CHODL: variants seen among roughly 807,000 people sequenced by gnomAD.
CHODL encodes the protein transmembrane protein MT75.
Under a neutral mutation model 34.5 loss-of-function variants are expected in CHODL, and 29 were observed. That is an observed-to-expected ratio of 0.84 (90% confidence interval 0.63 to 1.15). The LOEUF is 1.15. Among genes scored for constraint, CHODL ranks in the 50% most tolerant of loss-of-function variants. CHODL has a pLI of 0.00. For synonymous variants in CHODL, 125 were observed against 116.1 expected, an observed-to-expected ratio of 1.08 and a Z score of -0.49; for missense variants, 332 against 332.5, an observed-to-expected ratio of 1.00 and a Z score of 0.01.
chr21:18,206,004 T>G (rs1364944677), intron 2 of CHODL, among the ~76,000 whole-genome samples: 1 of 152,228 alleles, frequency 6.6e-6, no homozygotes, highest in African/African-American at 2.4e-5. Flanking sequence ...ATAAGATACT[T>G]GATATAATTT....
chr21:18,210,611 C>G (rs1427793179), intron 2 of CHODL, among the ~76,000 whole-genome samples: 3 of 152,166 alleles, frequency 2.0e-5, no homozygotes, highest in Non-Finnish European at 4.4e-5. Context: ...TTTCGCATCT[C>G]CAGTAGACCC....
intron 2 of CHODL, among the ~76,000 whole-genome samples, chr21:18,065,374 T>C (rs154746): frequency 0.45 from 68,061 of 152,042 alleles, 16,471 homozygotes; most frequent in East Asian, 0.95. Flanking sequence ...GTATGATGAA[T>C]GGATTTAATG....
rs144196973 is a variant in CHODL, at chr21:18,068,184, T to C, written c.-45+40213T>C. Among the ~76,000 whole-genome samples the C allele has an allele frequency of 3.1e-3, 470 of 152,106 alleles. 3 individuals are homozygous for C. The highest frequency in any genetic ancestry group is 0.011 in the African/African-American group (438 of 41,536). ...ACTTCTATTCAAGAGCAAACTTCTT[T>C]ATTCATTTTTCTTTTTTTCTTTTTT... On this transcript the variant is annotated intron_variant, in intron 2 of 6. Transcript: ENST00000400127.
chr21:17,928,504 G>A (rs1021923411), intron 1 of CHODL, among the ~76,000 whole-genome samples: 1 of 152,242 alleles, frequency 6.6e-6, no homozygotes, highest in South Asian at 2.1e-4. Flanking sequence ...AATAACAGCT[G>A]TATAAAGATG....
intron 1 of CHODL, among the ~76,000 whole-genome samples, chr21:17,957,723 A>G (rs1420287398): frequency 6.6e-6 from 1 of 151,394 alleles, no homozygotes; most frequent in Non-Finnish European, 1.5e-5. Flanking sequence ...AAATAATAAA[A>G]TATAAAATAA....
chr21:17,924,881 G>T (rs945784137), intron 1 of CHODL, among the ~76,000 whole-genome samples: 1 of 152,058 alleles, frequency 6.6e-6, no homozygotes, highest in Non-Finnish European at 1.5e-5. Context: ...GTCCTTATCT[G>T]GCTCTGTTAA....
intron 2 of CHODL, among the ~76,000 whole-genome samples, chr21:18,160,004 T>G (rs1016584098): frequency 6.6e-6 from 1 of 152,234 alleles, no homozygotes; most frequent in African/African-American, 2.4e-5. Flanking sequence ...TAGATCTAGA[T>G]AGCTGTAAGA....
At chr21:17,948,248 T>TA (rs1484966308) in intron 1 of CHODL, among the ~76,000 whole-genome samples, 1 of 151,960 alleles carries the variant, frequency 6.6e-6, no homozygotes, top group Admixed American at 6.6e-5. Flanking sequence ...ACTTTACCTC[T>TA]ACATAATAAT....
intron 2 of CHODL, among the ~76,000 whole-genome samples, chr21:18,036,369 G>T (rs1248807381): frequency 6.6e-6 from 1 of 151,992 alleles, no homozygotes; most frequent in Non-Finnish European, 1.5e-5. Context: ...TCTGCTGAAG[G>T]CTCAAGAGGT....
At chr21:18,113,222 C>T (rs2146564970) in intron 2 of CHODL, among the ~76,000 whole-genome samples, 1 of 152,226 alleles carries the variant, frequency 6.6e-6, no homozygotes, top group South Asian at 2.1e-4. Flanking sequence ...AGTGAGATAT[C>T]ATCTCACCTC....
chr21:18,047,769 A>G (rs1310574119), intron 2 of CHODL, among the ~76,000 whole-genome samples: 1 of 151,890 alleles, frequency 6.6e-6, no homozygotes, highest in Non-Finnish European at 1.5e-5. Context: ...TGTTATAGAG[A>G]ATGACTTGGG....
At chr21:18,245,750 C>A in intron 1 of CHODL, 1 of 621,944 alleles carries the variant, frequency 1.6e-6, no homozygotes, top group South Asian at 2.0e-5. Context: ...CACTCGGATG[C>A]TTTCTGTGAC....
intron 1 of CHODL, among the ~76,000 whole-genome samples, chr21:17,936,748 C>A (rs1458467715): frequency 6.6e-6 from 1 of 152,102 alleles, no homozygotes; most frequent in Non-Finnish European, 1.5e-5. Context: ...GAGGGGTAAT[C>A]TTTGGAGAAA....
chr21:18,048,306 T>C (rs1027083717), intron 2 of CHODL, among the ~76,000 whole-genome samples: 3 of 151,862 alleles, frequency 2.0e-5, no homozygotes, highest in Non-Finnish European at 2.9e-5. Flanking sequence ...CTCTGAGACT[T>C]TTGTGAAAAT....
intron 2 of CHODL, among the ~76,000 whole-genome samples, chr21:18,204,729 C>T (rs912942452): frequency 6.6e-6 from 1 of 152,148 alleles, no homozygotes; most frequent in Non-Finnish European, 1.5e-5. Context: ...TCACTTAACA[C>T]CCCTGAGTAT....
intron 2 of CHODL, among the ~76,000 whole-genome samples, chr21:18,233,309 G>A (rs1182194607): frequency 6.6e-6 from 1 of 152,022 alleles, no homozygotes; most frequent in Non-Finnish European, 1.5e-5. Flanking sequence ...TAAGAACACA[G>A]ATGCTAGAGC....
intron 2 of CHODL, among the ~76,000 whole-genome samples, chr21:18,079,844 C>CACAATAG (rs2064919090): frequency 1.3e-5 from 2 of 151,686 alleles, no homozygotes; most frequent in Non-Finnish European, 3.0e-5. Context: ...TTGCTATAAT[C>CACAATAG]CTACACAGTA....
At chr21:17,987,079 T>G (rs1240762964) in intron 1 of CHODL, among the ~76,000 whole-genome samples, 1 of 152,202 alleles carries the variant, frequency 6.6e-6, no homozygotes, top group Non-Finnish European at 1.5e-5. Context: ...TTCTGTGGTT[T>G]GTCCTGCCTG....
intron 2 of CHODL, among the ~76,000 whole-genome samples, chr21:18,162,124 CCTCT>C (rs773244035): frequency 6.6e-6 from 1 of 152,168 alleles, no homozygotes; most frequent in Non-Finnish European, 1.5e-5. Flanking sequence ...ACTATCCTGA[CCTCT>C]AATGCCATGA....
Sources: gnomAD v4.1 joint callset for allele counts (sites outside exome capture counted in the v4.1 genomes callset) on GRCh38, gnomAD v4.1.1 for gene constraint, MANE v1.5 for transcripts, NCBI Gene and HGNC (gene_info 2026-07-23, HGNC 2026-07-21) for gene names.